The following TMEM141 variants were observed in gnomAD, a reference collection of about 807,000 sequenced individuals.
The protein encoded by TMEM141 is transmembrane protein 141.
A neutral mutation model predicts 15.9 loss-of-function variants in TMEM141; 18 were observed. The ratio of observed to expected loss-of-function variants is 1.13; its 90% CI spans 0.78 to 1.68. The LOEUF (loss-of-function observed/expected upper bound fraction) is 1.68, where lower values mean the gene tolerates loss of function less well. Ranked by LOEUF, TMEM141 falls within the 40% of genes most tolerant of loss-of-function variation. The pLI, the probability that TMEM141 is intolerant of heterozygous loss-of-function variation, is 0.00. For synonymous variants in TMEM141, 69 were observed against 54.0 expected (o/e 1.28, Z -1.22); for missense variants, 161 against 139.5 (o/e 1.15, Z -0.78).
In TMEM141 at chr9:136,792,252, T is replaced by G; in HGVS notation, c.207T>G (p.Val69=). The G allele has an allele frequency of 6.3e-7, 1 of 1,577,388 alleles. No individual in the cohort carries two copies. The highest frequency in any genetic ancestry group is 8.6e-7 in the Non-Finnish European group (1 of 1,160,548). Residue 69 remains valine (V), a splice_region_variant and synonymous_variant, in exon 4 of 5, where the codon GTT becomes GTG. Transcript: ENST00000290079. ...PLQWSLLVAV[V]AGSVVSYGVT... ...CCTCTTCCATTTCCTGCTCCACAGTTGCAGGCTCTGTGGTCAGCTACGGGG... is the reference window on the plus strand; with the variant it reads ...CCTCTTCCATTTCCTGCTCCACAGTGGCAGGCTCTGTGGTCAGCTACGGGG...
intron 4 of TMEM141, 104 bp from the exon 5 acceptor site, chr9:136,792,715 G>A (rs781661652): frequency 4.6e-5 from 41 of 899,346 alleles, no homozygotes; most frequent in African/African-American, 3.7e-4. Flanking sequence ...TCCACTGCCC[G>A]TTGTCCTTGT....
chr9:136,791,758 C>T lies in TMEM141; in HGVS notation c.102C>T (p.Gly34=). Residue 34 remains glycine (G), a synonymous_variant, in exon 2 of 5, where the codon GGC becomes GGT. Coordinates refer to ENST00000290079, the MANE Select transcript of TMEM141 (RefSeq NM_032928.4). ...AACQSHAFMK[G]VFTFVTGTGM... ...GCCAGTCACACGCCTTCATGAAGGG[C>T]GTTTTCACCTTCGTCACAGGTAGGC... is the stretch of plus-strand genomic sequence containing the variant. 1 of 1,613,572 alleles carries T rather than the reference C, an allele frequency of 6.2e-7. No homozygotes were observed. Among genetic ancestry groups the T allele is most frequent in the Non-Finnish European group, 8.5e-7 (1 of 1,179,924 alleles).
intron 3 of TMEM141, 43 bp downstream of exon 3, chr9:136,792,073 G>C (rs1036876114): frequency 6.2e-7 from 1 of 1,609,236 alleles, no homozygotes; most frequent in Non-Finnish European, 8.5e-7. Flanking sequence ...TGAGGGGTGG[G>C]TTTCTGCTAG....
intron 3 of TMEM141, 23 bp from the exon 4 acceptor site, chr9:136,792,228 C>T (rs533557356): frequency 6.4e-7 from 1 of 1,560,082 alleles, no homozygotes; most frequent in Non-Finnish European, 8.7e-7. Context: ...GGCCCCAGCC[C>T]TCTTCCATTT....
chr9:136,792,203 C>T (rs750449572), intron 3 of TMEM141, 48 bp from the exon 4 acceptor site: 5 of 1,535,512 alleles, frequency 3.3e-6, no homozygotes, highest in Non-Finnish European at 4.4e-6. Flanking sequence ...GTTCTCTTAG[C>T]CTGGGAAGCA....
chr9:136,791,496 G>T, intron 1 of TMEM141, 72 bp downstream of exon 1: 2 of 1,547,402 alleles, frequency 1.3e-6, no homozygotes, highest in Non-Finnish European at 1.7e-6. Flanking sequence ...GGGCCGGGGC[G>T]TGGGGGTGCC....
At chr9:136,791,839 T>TCC in intron 2 of TMEM141, 62 bp downstream of exon 2, 1 of 1,605,282 alleles carries the variant, frequency 6.2e-7, no homozygotes. Flanking sequence ...CTGCCCTGAC[T>TCC]CCCCAGCAGG....
In TMEM141 at chr9:136,792,274, G is replaced by T. The variant is rs770424021; in HGVS notation, c.229G>T (p.Gly77Trp). 6.3e-7 allele frequency: 1 copy of T among 1,587,078 alleles called. No individual in the cohort carries two copies. The highest frequency in any genetic ancestry group is 1.8e-5 in the Admixed American group (1 of 56,074). Residue 77 changes from glycine to tryptophan, a missense_variant, in exon 4 of 5, where the codon GGG becomes TGG. Physicochemically the swap from Gly to Trp is radical, Grantham distance 184 (BLOSUM62 -2). Transcript: ENST00000290079. ...AVVAGSVVSY[G>W]VTRVESEKCN... Reference sequence around the variant, plus strand: ...AGTTGCAGGCTCTGTGGTCAGCTACGGGGTGACGAGAGTGGAGTCGGAGAA... The same window carrying T: ...AGTTGCAGGCTCTGTGGTCAGCTACTGGGTGACGAGAGTGGAGTCGGAGAA...
chr9:136,791,699 C>G lies in TMEM141; in HGVS notation c.55-12C>G, dbSNP rs1425668720. On this transcript the variant is annotated splice_polypyrimidine_tract_variant and intron_variant, in intron 1 of 4. Coordinates refer to ENST00000290079, the MANE Select transcript of TMEM141 (RefSeq NM_032928.4). ...CAGGGGATCGAGCCTTCACCCGCCTCTGCCACCCCAGGGACTCGGGGAGTA... is the reference window on the plus strand; with the variant it reads ...CAGGGGATCGAGCCTTCACCCGCCTGTGCCACCCCAGGGACTCGGGGAGTA... The G allele has an allele frequency of 6.2e-7, 1 of 1,612,364 alleles. No individual in the cohort carries two copies. The highest frequency in any genetic ancestry group is 1.3e-5 in the African/African-American group (1 of 74,928).
At chr9:136,791,646 G>A in intron 1 of TMEM141, 65 bp from the exon 2 acceptor site, 1 of 1,598,358 alleles carries the variant, frequency 6.3e-7, no homozygotes. Flanking sequence ...CCCAGAGGAG[G>A]GACAGGAGAG....
At position 136,793,040 on chromosome 9, in the gene TMEM141, C is replaced by T; in HGVS notation, c.*208C>T. ...GCCCAGGAGGTTGGAGCAGAAAGGG[C>T]TCTCCCTGGGGTGGTGTTTCTCCTC... On this transcript the variant is annotated 3_prime_UTR_variant, in exon 5 of 5. Transcript: ENST00000290079. 1 of 486,174 alleles carries T rather than the reference C, an allele frequency of 2.1e-6. No individual in the cohort carries two copies. Among genetic ancestry groups the T allele is most frequent in the East Asian group, 5.0e-5 (1 of 19,914 alleles). The allele number at this position is 486,174 out of a possible 1,614,324, so 30.1% of individuals were successfully genotyped here. A position where few individuals can be genotyped will look rare whatever the true frequency, so the allele number is the denominator to read the frequency against.
Position 136,792,974 on chromosome 9 carries a change from G to A in TMEM141, c.*142G>A. The A allele has an allele frequency of 8.5e-7, 1 of 1,177,614 alleles. No individual in the cohort carries two copies. The highest frequency in any genetic ancestry group is 1.1e-6 in the Non-Finnish European group (1 of 920,884). 72.9% of individuals were successfully genotyped at this position (1,177,614 alleles called of 1,614,324 possible). On this transcript the variant is annotated 3_prime_UTR_variant, in exon 5 of 5. Coordinates refer to ENST00000290079, the MANE Select transcript of TMEM141 (RefSeq NM_032928.4). ...TCTGTCCGCATGTGTGGCCAGGCCTGACAAACACCTGCAGATGGCTGCTGC... is the reference window on the plus strand; with the variant it reads ...TCTGTCCGCATGTGTGGCCAGGCCTAACAAACACCTGCAGATGGCTGCTGC...
chr9:136,792,747 T>C, intron 4 of TMEM141, 72 bp from the exon 5 acceptor site: 2 of 1,235,202 alleles, frequency 1.6e-6, no homozygotes, highest in Non-Finnish European at 1.1e-6. Context: ...GTTTCTGCCA[T>C]GATAAAATGG....
chr9:136,791,500 G>A, intron 1 of TMEM141, 76 bp downstream of exon 1: 1 of 1,547,456 alleles, frequency 6.5e-7, no homozygotes, highest in East Asian at 2.4e-5. Flanking sequence ...CGGGGCGTGG[G>A]GGTGCCCTCG....
At chr9:136,791,603 C>A (rs898568143) in intron 1 of TMEM141, 108 bp from the exon 2 acceptor site, 3 of 1,569,768 alleles carry the variant, frequency 1.9e-6, no homozygotes, top group Non-Finnish European at 2.6e-6. Flanking sequence ...TGTCCAAGCG[C>A]CCAGGGTCTC....
At chr9:136,792,125 C>T (rs980956129) in intron 3 of TMEM141, 95 bp downstream of exon 3, 126 of 1,545,510 alleles carry the variant, frequency 8.2e-5, no homozygotes, top group Non-Finnish European at 1.1e-4. Context: ...TGACATGGAG[C>T]CCCAGGTCTC....
rs767090453 is a variant in TMEM141, at chr9:136,791,934, C to T, written c.122-13C>T. Reference sequence around the variant, plus strand: ...CCCGGGTACAGGTTGATGGGGACCTCGGCTCTTTGCAGGCACCGGCATGGC... The same window carrying T: ...CCCGGGTACAGGTTGATGGGGACCTTGGCTCTTTGCAGGCACCGGCATGGC... On this transcript the variant is annotated splice_polypyrimidine_tract_variant and intron_variant, in intron 2 of 4. Transcript: ENST00000290079. The T allele has an allele frequency of 5.0e-6, 8 of 1,613,916 alleles. No individual in the cohort carries two copies. Among genetic ancestry groups the T allele is most frequent in the Non-Finnish European group, 6.8e-6 (8 of 1,180,006 alleles).
rs766670552 is a variant in TMEM141 at position 136,791,406 on chromosome 9, C to T, written c.36C>T (p.Ala12=). Residue 12 remains alanine (A), a synonymous_variant, in exon 1 of 5, where the codon GCC becomes GCT. Transcript: ENST00000290079. ...VNLGLSRVDD[A]VAAKHPGLGE... ...TGGGTCTGTCCCGGGTGGACGACGC[C>T]GTGGCTGCCAAGCACCCGGTGAGAA... is the stretch of plus-strand genomic sequence containing the variant. 29 of 1,559,672 alleles carry T rather than the reference C, an allele frequency of 1.9e-5. No homozygotes were observed. In the South Asian group the frequency reaches 2.8e-4, roughly 15 times the overall value.
At chr9:136,792,408 CCA>C in intron 4 of TMEM141, 50 bp downstream of exon 4, 1 of 1,485,648 alleles carries the variant, frequency 6.7e-7, no homozygotes, top group African/African-American at 1.4e-5. Context: ...TCTCCAGCAC[CCA>C]GAGTTTTGGG....
Sources: gnomAD v4.1 joint callset for allele counts on GRCh38, gnomAD v4.1.1 for gene constraint, MANE v1.5 for transcripts, NCBI Gene and HGNC (gene_info 2026-07-23, HGNC 2026-07-21) for gene names.